SCARB1: variants seen among roughly 807,000 people sequenced by gnomAD.
The protein encoded by SCARB1 is CD36 and LIMPII analogous 1.
In SCARB1, 30 loss-of-function variants were observed where a neutral mutation model predicts 57.2. The observed-to-expected ratio is 0.52, with a 90% CI of 0.39 to 0.71. SCARB1 has a LOEUF of 0.71. SCARB1 is among the 30% of genes least tolerant of loss of function. The pLI is 0.00. For synonymous variants in SCARB1, 249 were observed against 268.3 expected (o/e 0.93, Z 0.70); for missense variants, 543 against 671.2 (o/e 0.81, Z 2.11).
chr12:124,842,012 T>C (rs1185282594), intron 1 of SCARB1, among the ~76,000 whole-genome samples: 1 of 152,200 alleles, frequency 6.6e-6, no homozygotes, highest in African/African-American at 2.4e-5. Context: ...ATGAGTAGCT[T>C]TCCCTGCCAC....
At chr12:124,787,252 G>A (rs1949557690) in intron 10 of SCARB1, among the ~76,000 whole-genome samples, 154 bp downstream of exon 10, 1 of 152,184 alleles carries the variant, frequency 6.6e-6, no homozygotes. Flanking sequence ...TGCTTGGACA[G>A]GGTGAAGTTT....
At chr12:124,792,108 TG>T (rs1284788666) in intron 9 of SCARB1, among the ~76,000 whole-genome samples, 1 of 152,144 alleles carries the variant, frequency 6.6e-6, no homozygotes, top group Non-Finnish European at 1.5e-5. Flanking sequence ...CCATTTACTT[TG>T]GCTGCTTTTC....
rs749977931 is a variant in SCARB1, at chr12:124,810,213, G to A, written c.803C>T (p.Pro268Leu). ...GCTGTAGAACTCCAGCGAGGACTCA[G>A]GAGTCATGAAGGGCGGCCACATTTG... ...SGQMWPPFMT[P>L]ESSLEFYSPE... The change falls in exon 6 of 13, where the codon CCT becomes CTT. Residue 268 changes from proline to leucine, a missense_variant. Physicochemically the swap from Pro to Leu is moderately conservative, Grantham distance 98. Coordinates refer to ENST00000261693, the MANE Select transcript of SCARB1 (RefSeq NM_005505.5). The surrounding 1 kb of genome is among the most constrained non-coding windows in gnomAD (Gnocchi z 4.0). 1.2e-6 allele frequency: 2 copies of A among 1,613,958 alleles called. No individual in the cohort carries two copies. The highest frequency in any genetic ancestry group is 1.7e-6 in the Non-Finnish European group (2 of 1,179,926).
chr12:124,839,212 G>A (rs1211722440), intron 1 of SCARB1: 1 of 456,010 alleles, frequency 2.2e-6, no homozygotes, highest in South Asian at 1.5e-5. Flanking sequence ...AAAGAGCTCT[G>A]CACCCCCTCT....
intron 1 of SCARB1, among the ~76,000 whole-genome samples, chr12:124,830,413 G>A (rs962904560): frequency 6.6e-6 from 1 of 152,144 alleles, no homozygotes; most frequent in Non-Finnish European, 1.5e-5. Context: ...ACCCATAACA[G>A]CCCAAAACTG....
At chr12:124,846,729 C>CAAAAAAAA (rs5801572) in intron 1 of SCARB1, among the ~76,000 whole-genome samples, 4 of 46,030 alleles carry the variant, frequency 8.7e-5, no homozygotes, top group African/African-American at 1.9e-4. Flanking sequence ...GACTCCATCT[C>CAAAAAAAA]AAAAAAAAAA....
Position 124,852,162 on chromosome 12 carries a change from A to G in SCARB1, c.126+11433T>C, listed in dbSNP as rs539510426. Among the ~76,000 whole-genome samples the G allele has an allele frequency of 1.4e-3, 211 of 152,236 alleles. 7 individuals carry two copies. In the South Asian group the frequency reaches 0.041, roughly 30 times the overall value. The stretch of plus-strand genomic sequence containing the variant: ...GTCTCTTTACCCACCATCCACAGAC[A>G]GCCCCGATGACATCTTTATACACCC... On this transcript the variant is annotated intron_variant, in intron 1 of 12. Transcript: ENST00000261693.
Position 124,811,852 on chromosome 12 carries a change from T to C in SCARB1, c.726+18A>G, listed in dbSNP as rs770902587. On this transcript the variant is annotated intron_variant, in intron 5 of 12. Transcript: ENST00000261693. The stretch of plus-strand genomic sequence containing the variant: ...CCCCTCTCCCTGGCGACAGGGGCCC[T>C]CGCCTCTCGCCCCTCACCTTGCTCA... The C allele has an allele frequency of 3.2e-6, 5 of 1,584,166 alleles. No individual in the cohort carries two copies.
chr12:124,855,200 G>C (rs1304328329), intron 1 of SCARB1, among the ~76,000 whole-genome samples: 2 of 152,208 alleles, frequency 1.3e-5, no homozygotes, highest in African/African-American at 4.8e-5. Context: ...AGTGAACAAG[G>C]TCAGGCCCCT....
intron 1 of SCARB1, among the ~76,000 whole-genome samples, chr12:124,827,783 C>T (rs1376449730): frequency 6.6e-6 from 1 of 152,174 alleles, no homozygotes; most frequent in Non-Finnish European, 1.5e-5. Context: ...ATCCAACCTG[C>T]CCCTAAAACT....
intron 1 of SCARB1, among the ~76,000 whole-genome samples, chr12:124,841,138 G>A (rs1015249657): frequency 1.1e-4 from 17 of 152,312 alleles, no homozygotes; most frequent in African/African-American, 2.6e-4. Flanking sequence ...TTGGGAGGCC[G>A]AGGTGGGCGG....
At chr12:124,835,000 C>T (rs756019617) in intron 1 of SCARB1, among the ~76,000 whole-genome samples, 9 of 152,206 alleles carry the variant, frequency 5.9e-5, no homozygotes, top group Non-Finnish European at 1.3e-4. Flanking sequence ...CATGCCAGGT[C>T]TGCCGACTCA....
chr12:124,810,058 G>T lies in SCARB1; in HGVS notation c.842+116C>A. 1 of 718,520 alleles carries T rather than the reference G, an allele frequency of 1.4e-6. No homozygotes were observed. The highest frequency in any genetic ancestry group is 2.5e-6 in the Non-Finnish European group (1 of 400,366). The allele number at this position is 718,520 out of a possible 1,614,324, so 44.5% of individuals were successfully genotyped here. Reference sequence around the variant, plus strand: ...AAGAGAATTCAAGCTGGTGCCAAGGGCTACTGAGTCAAATCCACGATGAGT... The same window carrying T: ...AAGAGAATTCAAGCTGGTGCCAAGGTCTACTGAGTCAAATCCACGATGAGT... On this transcript the variant is annotated intron_variant, in intron 6 of 12. Transcript: ENST00000261693. This position sits in a 1 kb window ranked among gnomAD's most constrained non-coding sequence, Gnocchi z 4.0.
At chr12:124,782,481 C>A (rs1226337741) in intron 12 of SCARB1, among the ~76,000 whole-genome samples, 2 of 152,110 alleles carry the variant, frequency 1.3e-5, no homozygotes, top group Non-Finnish European at 2.9e-5. Flanking sequence ...CCTCTGGGAT[C>A]AAAAAAACTG....
At position 124,814,807 on chromosome 12, in the gene SCARB1, C is replaced by G. The variant is rs1225915278; in HGVS notation, c.426+166G>C. ...TGGACCCACCTGGGAAACTCAGAAC[C>G]CACTGGGGGTGGTGGAGACAGCACA... On this transcript the variant is annotated intron_variant, in intron 3 of 12. Transcript: ENST00000261693. The surrounding 1 kb of genome is among the most constrained non-coding windows in gnomAD (Gnocchi z 4.7). 6.6e-6 allele frequency among the ~76,000 whole-genome samples: 1 copy of G among 152,224 alleles called. No homozygotes were observed. The highest frequency in any genetic ancestry group is 2.4e-5 in the African/African-American group (1 of 41,464).
intron 6 of SCARB1, among the ~76,000 whole-genome samples, chr12:124,809,594 C>G (rs1317594023): frequency 6.6e-6 from 1 of 152,178 alleles, no homozygotes; most frequent in Non-Finnish European, 1.5e-5. Flanking sequence ...CTACCGGGCA[C>G]CTGGCACACA....
In SCARB1 at chr12:124,851,967, A is replaced by G. The variant is rs550012968; in HGVS notation, c.126+11628T>C. Reference sequence around the variant, plus strand: ...TAAATGGTTCCATTCTAAATAATGAACCTTGGCTTAAATGCTCAGGGAGAG... The same window carrying G: ...TAAATGGTTCCATTCTAAATAATGAGCCTTGGCTTAAATGCTCAGGGAGAG... On this transcript the variant is annotated intron_variant, in intron 1 of 12. Coordinates refer to ENST00000261693, the MANE Select transcript of SCARB1 (RefSeq NM_005505.5). Among the ~76,000 whole-genome samples the G allele has an allele frequency of 8.5e-5, 13 of 152,100 alleles. No homozygotes were observed. In the East Asian group the frequency reaches 1.9e-3, roughly 23 times the overall value.
chr12:124,819,294 G>A (rs1950860689), intron 1 of SCARB1, among the ~76,000 whole-genome samples: 1 of 152,198 alleles, frequency 6.6e-6, no homozygotes, highest in East Asian at 1.9e-4. Flanking sequence ...CCCTGTGGTA[G>A]GGAGACGCTG....
At chr12:124,833,540 A>C (rs1951507894) in intron 1 of SCARB1, among the ~76,000 whole-genome samples, 1 of 152,110 alleles carries the variant, frequency 6.6e-6, no homozygotes, top group Non-Finnish European at 1.5e-5. Context: ...GAGGAAGGTC[A>C]CATATTCACA....
Sources: gnomAD v4.1 joint callset for allele counts (sites outside exome capture counted in the v4.1 genomes callset) on GRCh38, gnomAD v4.1.1 for gene constraint, Gnocchi (gnomAD v3.1) non-coding constraint, MANE v1.5 for transcripts, NCBI Gene and HGNC (gene_info 2026-07-23, HGNC 2026-07-21) for gene names.